ESF1: variants seen among roughly 807,000 people sequenced by gnomAD.
ESF1 encodes the protein ESF1 homolog.
Under a neutral mutation model 92.0 loss-of-function variants are expected in ESF1, and 58 were observed. The observed-to-expected ratio is 0.63, with a 90% CI of 0.51 to 0.78. ESF1 has a LOEUF of 0.78. Among genes scored for constraint, ESF1 ranks in the 30% least tolerant of loss-of-function variants. The pLI is 0.00. For missense variants in ESF1, 922 were observed against 989.1 expected, an observed-to-expected ratio of 0.93 and a Z score of 0.91; for synonymous variants, 321 against 313.7, an observed-to-expected ratio of 1.02 and a Z score of -0.24.
At chr20:13,774,034 G>A (rs1293057748) in intron 4 of ESF1, among the ~76,000 whole-genome samples, 2 of 151,912 alleles carry the variant, frequency 1.3e-5, no homozygotes, top group Non-Finnish European at 2.9e-5. Flanking sequence ...GGCGGAGCTT[G>A]CAGTGAGCCG....
At chr20:13,752,007 TAAAATA>T (rs1241246857) in intron 9 of ESF1, among the ~76,000 whole-genome samples, 13 of 151,646 alleles carry the variant, frequency 8.6e-5, no homozygotes, top group Admixed American at 2.0e-4. Flanking sequence ...ATAAATAAAA[TAAAATA>T]AAAATAAAAA....
intron 11 of ESF1, among the ~76,000 whole-genome samples, chr20:13,728,161 C>T (rs1054921037): frequency 5.3e-5 from 8 of 152,154 alleles, no homozygotes; most frequent in Admixed American, 2.6e-4. Flanking sequence ...TATCAAAAGT[C>T]TCCTATATTA....
intron 2 of ESF1, among the ~76,000 whole-genome samples, chr20:13,781,457 C>A (rs780111230): frequency 6.6e-6 from 1 of 152,090 alleles, no homozygotes; most frequent in Non-Finnish European, 1.5e-5. Flanking sequence ...TGTATTTCTA[C>A]TAGACAATGT....
intron 8 of ESF1, 93 bp downstream of exon 8, chr20:13,766,684 T>C (rs967123182): frequency 4.0e-6 from 5 of 1,255,756 alleles, no homozygotes; most frequent in Admixed American, 4.1e-5. Context: ...ATACTGTGCA[T>C]GTGAGCATAT....
chr20:13,741,419 A>T (rs969952118), intron 9 of ESF1, among the ~76,000 whole-genome samples: 3 of 152,168 alleles, frequency 2.0e-5, no homozygotes, highest in Non-Finnish European at 4.4e-5. Context: ...TTCTTCATCC[A>T]GTTTTCTGAA....
At chr20:13,781,274 ATAGTAT>A (rs1311630204) in intron 2 of ESF1, among the ~76,000 whole-genome samples, 1 of 152,182 alleles carries the variant, frequency 6.6e-6, no homozygotes, top group Non-Finnish European at 1.5e-5. Context: ...TAATATGAAA[ATAGTAT>A]TAGTATGAAA....
intron 2 of ESF1, among the ~76,000 whole-genome samples, chr20:13,778,523 T>C (rs1422084957): frequency 1.3e-5 from 2 of 152,050 alleles, no homozygotes; most frequent in South Asian, 2.1e-4. Flanking sequence ...ATTCCTAAAG[T>C]CACAGAAGTG....
intron 10 of ESF1, among the ~76,000 whole-genome samples, chr20:13,728,866 C>CAA (rs34325780): frequency 1.4e-5 from 2 of 138,080 alleles, no homozygotes; most frequent in African/African-American, 2.7e-5. Flanking sequence ...GACTCCATCT[C>CAA]AAAAAAAAAA....
At chr20:13,748,217 AG>A (rs138801207) in intron 9 of ESF1, among the ~76,000 whole-genome samples, 1,907 of 152,160 alleles carry the variant, frequency 0.013, 12 homozygotes, top group Non-Finnish European at 0.018. Context: ...AATCTGTGAC[AG>A]TTCTTCTGTC....
intron 1 of ESF1, 112 bp downstream of exon 1, chr20:13,784,768 C>T: frequency 2.3e-6 from 1 of 440,980 alleles, no homozygotes; most frequent in Non-Finnish European, 4.2e-6. Context: ...CAAAACCCCT[C>T]GCAGATCCGA....
chr20:13,738,468 A>G (rs567095628), intron 9 of ESF1, among the ~76,000 whole-genome samples: 30 of 152,206 alleles, frequency 2.0e-4, no homozygotes, highest in African/African-American at 6.5e-4. Context: ...GTGCATCACC[A>G]TACCCAGCTA....
intron 11 of ESF1, 87 bp downstream of exon 11, chr20:13,728,291 A>T: frequency 3.0e-6 from 3 of 1,002,820 alleles, no homozygotes; most frequent in East Asian, 2.6e-5. Flanking sequence ...TAGCAATTTT[A>T]AAAGAATGAT....
rs1434274897 is a variant in ESF1, at chr20:13,728,449, G to A, written c.1967C>T (p.Ala656Val). 1 of 1,610,508 alleles carries A rather than the reference G, an allele frequency of 6.2e-7. No homozygotes were observed. The highest frequency in any genetic ancestry group is 1.1e-5 in the South Asian group (1 of 90,198). ...KRKQKALAEE[A>V]SEEELPSDVD... Reference sequence around the variant, plus strand: ...ATCAGAGGGAAGTTCCTCTTCACTGGCCTCTTCAGCAAGAGCCTTAAAAGT... The same window carrying A: ...ATCAGAGGGAAGTTCCTCTTCACTGACCTCTTCAGCAAGAGCCTTAAAAGT... Residue 656 changes from alanine to valine, a missense_variant, in exon 11 of 14, where the codon GCC (alanine) becomes GTC (valine). Coordinates refer to ENST00000617257, the MANE Select transcript of ESF1 (RefSeq NM_001276380.2).
intron 9 of ESF1, among the ~76,000 whole-genome samples, chr20:13,742,242 C>T (rs1479560423): frequency 6.6e-6 from 1 of 151,982 alleles, no homozygotes; most frequent in African/African-American, 2.4e-5. Context: ...GTGGTGGACG[C>T]CTGTAATCCC....
At chr20:13,751,112 G>A (rs1160055845) in intron 9 of ESF1, among the ~76,000 whole-genome samples, 1 of 152,210 alleles carries the variant, frequency 6.6e-6, no homozygotes, top group African/African-American at 2.4e-5. Context: ...CATAACATCA[G>A]GGCCCAACTT....
At chr20:13,784,498 C>G (rs948526827) in intron 1 of ESF1, among the ~76,000 whole-genome samples, 2 of 152,150 alleles carry the variant, frequency 1.3e-5, no homozygotes, top group African/African-American at 4.8e-5. Context: ...AGAAGGAAAG[C>G]ACTCATTATA....
chr20:13,784,223 A>G (rs1178909332), intron 1 of ESF1, among the ~76,000 whole-genome samples: 3 of 151,656 alleles, frequency 2.0e-5, no homozygotes, highest in African/African-American at 4.8e-5. Context: ...AAAGTCTCCA[A>G]TGGTTTAGCA....
chr20:13,752,468 G>A (rs1188237867), intron 9 of ESF1, among the ~76,000 whole-genome samples: 1 of 152,000 alleles, frequency 6.6e-6, no homozygotes, highest in Non-Finnish European at 1.5e-5. Flanking sequence ...TAAACATCTG[G>A]TTATTTTAAA....
At chr20:13,768,591 C>CAA (rs71790330) in intron 7 of ESF1, among the ~76,000 whole-genome samples, 7 of 142,920 alleles carry the variant, frequency 4.9e-5, no homozygotes, top group South Asian at 4.4e-4. Context: ...CCAAAAAAAG[C>CAA]AAAAAAAAAG....
Sources: gnomAD v4.1 joint callset for allele counts (sites outside exome capture counted in the v4.1 genomes callset) on GRCh38, gnomAD v4.1.1 for gene constraint, MANE v1.5 for transcripts, NCBI Gene and HGNC (gene_info 2026-07-23, HGNC 2026-07-21) for gene names.